OR51I2: variants seen among roughly 807,000 people sequenced by gnomAD.
The protein encoded by OR51I2 is olfactory receptor 51I2.
OR51I2 carries 6 observed loss-of-function variants against 9.3 expected under a neutral mutation model. The ratio of observed to expected loss-of-function variants is 0.64; its 90% CI spans 0.35 to 1.27. The LOEUF (loss-of-function observed/expected upper bound fraction) is 1.27, where lower values mean the gene tolerates loss of function less well. Among genes scored for constraint, OR51I2 ranks in the 50% most tolerant of loss-of-function variants. The probability of loss-of-function intolerance (pLI) is 0.03; values close to 1 mark genes in which losing one functional copy is unlikely to be tolerated. For synonymous variants in OR51I2, 179 were observed against 143.1 expected (o/e 1.25, Z -1.79); for missense variants, 489 against 396.4 (o/e 1.23, Z -1.98).
rs751641190 is a variant in OR51I2 at position 5,453,954 on chromosome 11, C to G, written c.466C>G (p.Leu156Val). The G allele has an allele frequency of 3.1e-6, 5 of 1,613,996 alleles. No homozygotes were observed. The African/African-American group carries it at 4.0e-5, about 13-fold the overall frequency. Residue 156 changes from leucine to valine, a missense_variant, in exon 2 of 2, where the codon CTT becomes GTT. Transcript: ENST00000641930. ...TGCAGCTGCTCGAAGCTTCATCACC[C>G]TTTTCCCTCTTCCCTTTCTTATTAA... is the stretch of plus-strand genomic sequence containing the variant. Reference protein sequence around the residue: ...LGAAARSFITLFPLPFLIKRL... With the variant: ...LGAAARSFITVFPLPFLIKRL...
Position 5,454,204 on chromosome 11 carries a change from A to C in OR51I2, c.716A>C (p.Asn239Thr). ...CGTGAGGAACGCCTCAAAGCTCTCAACACATGTGTGTCACATATCCTGGCT... is the reference window on the plus strand; with the variant it reads ...CGTGAGGAACGCCTCAAAGCTCTCACCACATGTGTGTCACATATCCTGGCT... ...ASREERLKAL[N>T]TCVSHILAVL... The change falls in exon 2 of 2, where the codon AAC becomes ACC. Residue 239 changes from asparagine (N) to threonine (T), a missense_variant. Asn to Thr is a moderately conservative substitution (Grantham distance 65). Coordinates refer to ENST00000641930, the MANE Select transcript of OR51I2 (RefSeq NM_001004754.3). The C allele has an allele frequency of 6.5e-7, 1 of 1,535,602 alleles. No individual in the cohort carries two copies. The highest frequency in any genetic ancestry group is 9.0e-7 in the Non-Finnish European group (1 of 1,109,578).
rs1469524601 is a variant in OR51I2, at chr11:5,454,260, G to T, written c.772G>T (p.Val258Phe). ...VLAFYVPMIG[V>F]STVHRFGKHV... Reference sequence around the variant, plus strand: ...TGCATTTTATGTGCCAATGATTGGGGTCTCCACAGTGCACCGCTTTGGGAA... The same window carrying T: ...TGCATTTTATGTGCCAATGATTGGGTTCTCCACAGTGCACCGCTTTGGGAA... Residue 258 changes from valine (V) to phenylalanine (F), a missense_variant, in exon 2 of 2, where the codon GTC becomes TTC. Physicochemically the swap from Val to Phe is conservative, Grantham distance 50 (BLOSUM62 -1). Coordinates refer to ENST00000641930, the MANE Select transcript of OR51I2 (RefSeq NM_001004754.3). 8.7e-6 allele frequency: 14 copies of T among 1,614,070 alleles called. No homozygotes were observed. The highest frequency in any genetic ancestry group is 1.2e-5 in the Non-Finnish European group (14 of 1,180,036).
At chr11:5,449,631 C>G (rs1472031710) in intron 1 of OR51I2, among the ~76,000 whole-genome samples, 1 of 152,128 alleles carries the variant, frequency 6.6e-6, no homozygotes, top group Non-Finnish European at 1.5e-5. Flanking sequence ...CTCTGTGACT[C>G]CAAGTTTCAA....
chr11:5,454,255 T>C lies in OR51I2; in HGVS notation c.767T>C (p.Ile256Thr). ...GTACTTGCATTTTATGTGCCAATGA[T>C]TGGGGTCTCCACAGTGCACCGCTTT... ...LAVLAFYVPM[I>T]GVSTVHRFGK... Residue 256 changes from isoleucine (I) to threonine (T), a missense_variant, in exon 2 of 2, where the codon ATT becomes ACT. Transcript: ENST00000641930. 3 of 1,614,238 alleles carry C rather than the reference T, an allele frequency of 1.9e-6. No homozygotes were observed. The highest frequency in any genetic ancestry group is 2.5e-6 in the Non-Finnish European group (3 of 1,180,040).
At chr11:5,449,961 C>A (rs1402117106) in intron 1 of OR51I2, among the ~76,000 whole-genome samples, 1 of 152,162 alleles carries the variant, frequency 6.6e-6, no homozygotes, top group Non-Finnish European at 1.5e-5. Context: ...CTGTACATTC[C>A]TCCAGCCTCT....
In OR51I2 at chr11:5,453,579, C is replaced by T; in HGVS notation, c.91C>T (p.Leu31Phe). 6.2e-7 allele frequency: 1 copy of T among 1,613,048 alleles called. No homozygotes were observed. Among genetic ancestry groups the T allele is most frequent in the Non-Finnish European group, 8.5e-7 (1 of 1,179,644 alleles). ...CTCTCACTCCTGGCTGTCAGGGCCC[C>T]TCTGCGTGATGTATGCTGTGGCCCT... ...ESSHSWLSGP[L>F]CVMYAVALGG... The change falls in exon 2 of 2, where the codon CTC becomes TTC. Residue 31 changes from leucine (L) to phenylalanine (F), a missense_variant. Physicochemically the swap from Leu to Phe is conservative, Grantham distance 22. Coordinates refer to ENST00000641930, the MANE Select transcript of OR51I2 (RefSeq NM_001004754.3).
At chr11:5,452,306 C>T (rs1850864741) in intron 1 of OR51I2, among the ~76,000 whole-genome samples, 1 of 151,894 alleles carries the variant, frequency 6.6e-6, no homozygotes, top group Non-Finnish European at 1.5e-5. Flanking sequence ...AGATCGAGAT[C>T]ATCCTGGCTA....
rs578230333 is a variant in OR51I2 at position 5,453,693 on chromosome 11, A to G, written c.205A>G (p.Ser69Gly). The G allele has an allele frequency of 1.2e-6, 2 of 1,613,760 alleles. No individual in the cohort carries two copies. Among genetic ancestry groups the G allele is most frequent in the East Asian group, 4.5e-5 (2 of 44,852 alleles). ...CTACTTCCTGTCCATGTTGTCCTTC[A>G]GTGATGTGGCCATATCCATGGCCAC... ...MYYFLSMLSF[S>G]DVAISMATLP... The change falls in exon 2 of 2, where the codon AGT becomes GGT. Residue 69 changes from serine (S) to glycine (G), a missense_variant. By Grantham distance (56) the Ser-to-Gly change is moderately conservative. Transcript: ENST00000641930.
chr11:5,449,566 A>G (rs1662588010), intron 1 of OR51I2, among the ~76,000 whole-genome samples: 1 of 152,204 alleles, frequency 6.6e-6, no homozygotes, highest in African/African-American at 2.4e-5. Context: ...ACTGCCATGT[A>G]CTGATTGTAT....
rs546640783 is a variant in OR51I2 at position 5,451,748 on chromosome 11, T to C, written c.-230-1511T>C. On this transcript the variant is annotated intron_variant, in intron 1 of 1. Coordinates refer to ENST00000641930, the MANE Select transcript of OR51I2 (RefSeq NM_001004754.3). ...AGAACTCTGAGAGCATGGTCCGGTC[T>C]TGCTTTGTTAGAGGTTGGAGAGGAA... 4.0e-4 allele frequency among the ~76,000 whole-genome samples: 61 copies of C among 152,290 alleles called. No individual in the cohort carries two copies. The South Asian group carries it at 0.012, about 31-fold the overall frequency.
intron 1 of OR51I2, among the ~76,000 whole-genome samples, chr11:5,452,393 C>G (rs1850866523): frequency 6.6e-6 from 1 of 151,530 alleles, no homozygotes; most frequent in South Asian, 2.1e-4. Context: ...GTAGTCCCAA[C>G]TACTCGGGAG....
At chr11:5,452,051 G>A (rs1401902208) in intron 1 of OR51I2, among the ~76,000 whole-genome samples, 7 of 152,216 alleles carry the variant, frequency 4.6e-5, no homozygotes, top group Admixed American at 1.3e-4. Flanking sequence ...GTGTGGGTTA[G>A]TAGATTAATA....
At chr11:5,451,537 A>G (rs6578645) in intron 1 of OR51I2, among the ~76,000 whole-genome samples, 60,167 of 151,994 alleles carry the variant, frequency 0.4, 13,103 homozygotes, top group Non-Finnish European at 0.5. Context: ...CATATTCAGT[A>G]CAACACGGAG....
In OR51I2 at chr11:5,454,131, T is replaced by G; in HGVS notation, c.643T>G (p.Phe215Val). 6.2e-7 allele frequency: 1 copy of G among 1,614,226 alleles called. No homozygotes were observed. Among genetic ancestry groups the G allele is most frequent in the Non-Finnish European group, 8.5e-7 (1 of 1,180,036 alleles). Residue 215 changes from phenylalanine to valine, a missense_variant, in exon 2 of 2, where the codon TTC becomes GTC. By Grantham distance (50) the Phe-to-Val change is conservative. Coordinates refer to ENST00000641930, the MANE Select transcript of OR51I2 (RefSeq NM_001004754.3). ...CTTTGGCATGGACCTGTTTTTTATC[T>G]TCCTCTCCTATGTGCTCATTCTGCG... is the stretch of plus-strand genomic sequence containing the variant. ...STFGMDLFFI[F>V]LSYVLILRSV...
chr11:5,454,721 C>A lies in OR51I2; in HGVS notation c.*294C>A. ...TTATTTTCTATAATAATGAATATTACTAATATAATAATTAACAAACTTAGT... is the reference window on the plus strand; with the variant it reads ...TTATTTTCTATAATAATGAATATTAATAATATAATAATTAACAAACTTAGT... On this transcript the variant is annotated 3_prime_UTR_variant, in exon 2 of 2. Transcript: ENST00000641930. 1 of 207,140 alleles carries A rather than the reference C, an allele frequency of 4.8e-6. No homozygotes were observed. Among genetic ancestry groups the A allele is most frequent in the South Asian group, 1.3e-4 (1 of 7,908 alleles). 12.8% of individuals were successfully genotyped at this position (207,140 alleles called of 1,614,324 possible).
At position 5,454,509 on chromosome 11, in the gene OR51I2, A is replaced by C; in HGVS notation, c.*82A>C. The C allele has an allele frequency of 8.5e-7, 1 of 1,169,866 alleles. No individual in the cohort carries two copies. The highest frequency in any genetic ancestry group is 1.2e-6 in the Non-Finnish European group (1 of 825,210). 72.5% of individuals were successfully genotyped at this position (1,169,866 alleles called of 1,614,324 possible). ...TCGTCATCATCATCATCAAAGTATA[A>C]GATAGATTGTGTGCTGCGGGAAAAG... On this transcript the variant is annotated 3_prime_UTR_variant, in exon 2 of 2. Transcript: ENST00000641930.
chr11:5,449,688 G>A (rs1850815676), intron 1 of OR51I2, among the ~76,000 whole-genome samples: 1 of 152,168 alleles, frequency 6.6e-6, no homozygotes. Context: ...AATTCAGAGA[G>A]GGAAGCAGGA....
In OR51I2 at chr11:5,456,382, A is replaced by G. The variant is rs1447714804; in HGVS notation, c.*1955A>G. The G allele has an allele frequency of 6.6e-6, 1 of 152,186 alleles. No homozygotes were observed. Among genetic ancestry groups the G allele is most frequent in the Non-Finnish European group, 1.5e-5 (1 of 68,022 alleles). 9.4% of individuals were successfully genotyped at this position (152,186 alleles called of 1,614,324 possible). A position where few individuals can be genotyped will look rare whatever the true frequency, so the allele number is the denominator to read the frequency against. ...TTCCCTCCCTCATGAGACAGATGCC[A>G]TAAGAAAAATGTAGGGCCACTCCTG... On this transcript the variant is annotated 3_prime_UTR_variant, in exon 2 of 2. Coordinates refer to ENST00000641930, the MANE Select transcript of OR51I2 (RefSeq NM_001004754.3).
intron 1 of OR51I2, 67 bp from the exon 2 acceptor site, chr11:5,453,192 A>T: frequency 4.3e-6 from 1 of 233,762 alleles, no homozygotes; most frequent in Non-Finnish European, 8.2e-6. Flanking sequence ...TGTAGTTTAA[A>T]CATTTTCCTT....
Sources: gnomAD v4.1 joint callset for allele counts (sites outside exome capture counted in the v4.1 genomes callset) on GRCh38, gnomAD v4.1.1 for gene constraint, MANE v1.5 for transcripts, NCBI Gene and HGNC (gene_info 2026-07-23, HGNC 2026-07-21) for gene names.